The following MAGI2 variants were observed in gnomAD, a reference collection of about 807,000 sequenced individuals.
MAGI2 encodes membrane-associated guanylate kinase, WW and PDZ domain-containing protein 2.
In MAGI2, 35 loss-of-function variants were observed where a neutral mutation model predicts 133.3. That is an observed-to-expected ratio of 0.26 (90% CI 0.20 to 0.35). The LOEUF is 0.35. Among genes scored for constraint, MAGI2 ranks in the 10% least tolerant of loss-of-function variants. The probability of loss-of-function intolerance (pLI) is 1.00; values close to 1 mark genes in which losing one functional copy is unlikely to be tolerated. For synonymous variants in MAGI2, 729 were observed against 710.6 expected (o/e 1.03, Z -0.41); for missense variants, 1,636 against 1,863.4 (o/e 0.88, Z 2.25).
intron 2 of MAGI2, among the ~76,000 whole-genome samples, chr7:78,850,440 C>T (rs368954085): frequency 1.4e-4 from 22 of 152,068 alleles, no homozygotes; most frequent in South Asian, 1.0e-3. Context: ...AAAGTGAATA[C>T]ACAGTATTAA....
chr7:78,455,841 A>AAAGATT (rs1306945701), intron 6 of MAGI2, among the ~76,000 whole-genome samples: 1 of 152,076 alleles, frequency 6.6e-6, no homozygotes, highest in Non-Finnish European at 1.5e-5. Flanking sequence ...GTTGACACTA[A>AAAGATT]GTCTACCTAT....
intron 3 of MAGI2, among the ~76,000 whole-genome samples, chr7:78,540,242 A>T (rs886226519): frequency 2.0e-5 from 3 of 152,132 alleles, no homozygotes; most frequent in African/African-American, 4.8e-5. Flanking sequence ...CCTGTCCTTG[A>T]GCGGGGCTTG....
At chr7:79,188,145 T>C (rs1827327707) in intron 1 of MAGI2, among the ~76,000 whole-genome samples, 1 of 151,854 alleles carries the variant, frequency 6.6e-6, no homozygotes, top group Non-Finnish European at 1.5e-5. Context: ...CTGGGGTACA[T>C]ACGCAGGATG....
chr7:79,381,510 T>C (rs1190455221), intron 1 of MAGI2, among the ~76,000 whole-genome samples: 2 of 151,790 alleles, frequency 1.3e-5, no homozygotes, highest in Non-Finnish European at 2.9e-5. Context: ...GTACCTATCT[T>C]CAAGAATATA....
chr7:79,414,280 C>CTTTGG (rs1427413642), intron 1 of MAGI2: 1 of 152,128 alleles, frequency 6.6e-6, no homozygotes, highest in Non-Finnish European at 1.5e-5. Flanking sequence ...TACAGGCTGG[C>CTTTGG]TTTGGTTGCA....
intron 2 of MAGI2, among the ~76,000 whole-genome samples, chr7:78,702,098 G>C (rs201116077): frequency 1.3e-5 from 2 of 152,102 alleles, no homozygotes; most frequent in East Asian, 1.9e-4. Flanking sequence ...ATTATGTCTA[G>C]AGTTCTCTAC....
chr7:78,910,956 G>A (rs1798357044), intron 2 of MAGI2, among the ~76,000 whole-genome samples: 1 of 152,154 alleles, frequency 6.6e-6, no homozygotes, highest in African/African-American at 2.4e-5. Flanking sequence ...TAATCTCAAA[G>A]AACTGAGGAA....
chr7:79,016,298 A>G (rs901047045), intron 1 of MAGI2, among the ~76,000 whole-genome samples: 1 of 152,066 alleles, frequency 6.6e-6, no homozygotes, highest in Admixed American at 6.6e-5. Context: ...GATCTTGCTC[A>G]TGAGGCTGGG....
chr7:78,576,822 G>T (rs1802314443), intron 3 of MAGI2, among the ~76,000 whole-genome samples: 1 of 152,092 alleles, frequency 6.6e-6, no homozygotes, highest in Non-Finnish European at 1.5e-5. Flanking sequence ...AAATAGGCTG[G>T]GTGCAGTGGC....
intron 2 of MAGI2, among the ~76,000 whole-genome samples, chr7:78,754,634 A>G (rs1302106377): frequency 6.6e-6 from 1 of 152,166 alleles, no homozygotes; most frequent in Non-Finnish European, 1.5e-5. Context: ...GCATCAGCCA[A>G]TTAGATATTC....
At chr7:79,398,109 C>T (rs1286209729) in intron 1 of MAGI2, among the ~76,000 whole-genome samples, 1 of 152,122 alleles carries the variant, frequency 6.6e-6, no homozygotes, top group Non-Finnish European at 1.5e-5. Flanking sequence ...GGTCATGTAA[C>T]TCTTCATGCA....
chr7:79,096,247 G>A (rs1817500910), intron 1 of MAGI2, among the ~76,000 whole-genome samples: 1 of 152,096 alleles, frequency 6.6e-6, no homozygotes, highest in South Asian at 2.1e-4. Flanking sequence ...AAGAGGTCAG[G>A]GTAGTTATTC....
At chr7:78,963,571 C>G (rs1803047088) in intron 2 of MAGI2, among the ~76,000 whole-genome samples, 1 of 151,892 alleles carries the variant, frequency 6.6e-6, no homozygotes, top group African/African-American at 2.4e-5. Flanking sequence ...ACTGGGAGAG[C>G]TGGAAGTGAC....
chr7:79,197,909 G>A (rs966926938), intron 1 of MAGI2, among the ~76,000 whole-genome samples: 4 of 151,762 alleles, frequency 2.6e-5, no homozygotes, highest in Admixed American at 6.6e-5. Context: ...TTGCATTGTG[G>A]ATTACATTTC....
intron 1 of MAGI2, among the ~76,000 whole-genome samples, chr7:79,043,755 T>C (rs1009322906): frequency 1.3e-5 from 2 of 151,878 alleles, no homozygotes; most frequent in South Asian, 4.1e-4. Flanking sequence ...ACCCCTCAAA[T>C]ACTATTATGA....
chr7:78,343,786 A>G lies in MAGI2; in HGVS notation c.1400T>C (p.Met467Thr). 3.9e-6 allele frequency: 6 copies of G among 1,554,382 alleles called. No homozygotes were observed. Among genetic ancestry groups the G allele is most frequent in the Non-Finnish European group, 5.2e-6 (6 of 1,154,818 alleles). ...PDGPAAQDGK[M>T]ETGDVIVYIN... ...ACCATGAAGGACCTTACCTGTTTCC[A>G]TTTTTCCATCCTGTGCTGCAGGCCC... The change falls in exon 9 of 22, where the codon ATG (methionine) becomes ACG (threonine). Residue 467 changes from methionine to threonine, a missense_variant. By Grantham distance (81) the Met-to-Thr change is moderately conservative (BLOSUM62 -1). This residue lies in a region of MAGI2 where 920 missense variants were observed against 1,093.5 expected (regional missense o/e 0.84). Transcript: ENST00000354212.
intron 2 of MAGI2, among the ~76,000 whole-genome samples, chr7:78,673,697 G>A (rs948157614): frequency 5.3e-5 from 8 of 152,042 alleles, no homozygotes; most frequent in African/African-American, 1.9e-4. Flanking sequence ...GCCTGGGGGC[G>A]GCGGGGAGGG....
chr7:78,390,472 C>G (rs1485957668), intron 6 of MAGI2, among the ~76,000 whole-genome samples: 4 of 152,062 alleles, frequency 2.6e-5, no homozygotes, highest in Non-Finnish European at 5.9e-5. Flanking sequence ...TTACATTTTT[C>G]TGTGTAAAGG....
chr7:79,141,232 C>G (rs1465968690), intron 1 of MAGI2, among the ~76,000 whole-genome samples: 2 of 152,160 alleles, frequency 1.3e-5, no homozygotes, highest in Non-Finnish European at 2.9e-5. Context: ...TTATCTTCAT[C>G]AGGTGCAACA....
Sources: gnomAD v4.1 joint callset for allele counts (sites outside exome capture counted in the v4.1 genomes callset) on GRCh38, gnomAD v4.1.1 for gene constraint, gnomAD v4.1.1 regional missense constraint, MANE v1.5 for transcripts, NCBI Gene and HGNC (gene_info 2026-07-23, HGNC 2026-07-21) for gene names.